TTC3: variants seen among roughly 807,000 people sequenced by gnomAD.
TTC3 encodes E3 ubiquitin-protein ligase TTC3.
In TTC3, 180 loss-of-function variants were observed where a neutral mutation model predicts 249.6. The ratio of observed to expected loss-of-function variants is 0.72; its 90% CI spans 0.64 to 0.82. The LOEUF (loss-of-function observed/expected upper bound fraction) is 0.82. Ranked by LOEUF, TTC3 falls within the 40% of genes least tolerant of loss-of-function variation. The pLI, the probability that TTC3 is intolerant of heterozygous loss-of-function variation, is 0.00. For missense variants in TTC3, 2,061 were observed against 2,398.4 expected (o/e 0.86, Z 2.94); for synonymous variants, 717 against 805.0 (o/e 0.89, Z 1.85).
At chr21:37,199,739 T>TA (rs1214120402) in intron 44 of TTC3, among the ~76,000 whole-genome samples, 2 of 152,242 alleles carry the variant, frequency 1.3e-5, no homozygotes, top group Admixed American at 6.5e-5. Flanking sequence ...AAGTGAGTTA[T>TA]ATATGATACA....
exon 22 of TTC3, chr21:37,147,583 A>G (rs1404545184): frequency 1.9e-6 from 3 of 1,608,108 alleles, no homozygotes; most frequent in Non-Finnish European, 1.7e-6. Flanking sequence ...CCAGATATAC[A>G]TAACTGATCC....
intron 1 of TTC3, among the ~76,000 whole-genome samples, chr21:37,085,531 T>C (rs2072339515): frequency 6.6e-6 from 1 of 152,164 alleles, no homozygotes; most frequent in Non-Finnish European, 1.5e-5. Flanking sequence ...AGTTGAAGAA[T>C]GGCTGTGGTA....
At chr21:37,152,223 A>G (rs958836938) in intron 26 of TTC3, among the ~76,000 whole-genome samples, 194 bp downstream of exon 26, 1 of 152,286 alleles carries the variant, frequency 6.6e-6, no homozygotes, top group Admixed American at 6.5e-5. Context: ...AAAACCTTTC[A>G]GAGATTGTAT....
chr21:37,074,708 T>A (rs1037276261), intron 1 of TTC3, among the ~76,000 whole-genome samples: 1 of 152,172 alleles, frequency 6.6e-6, no homozygotes, highest in African/African-American at 2.4e-5. Flanking sequence ...GGATATAGTA[T>A]AAGGATACCT....
At chr21:37,097,847 A>G in intron 10 of TTC3, 1 of 606,326 alleles carries the variant, frequency 1.6e-6, no homozygotes, top group Non-Finnish European at 3.0e-6. Context: ...GGAGTGGGGA[A>G]GGTAGTAAAC....
intron 18 of TTC3, among the ~76,000 whole-genome samples, chr21:37,136,181 G>A (rs147893666): frequency 8.4e-4 from 128 of 152,196 alleles, no homozygotes; most frequent in African/African-American, 2.9e-3. Context: ...CCTGAGACAC[G>A]ATATTGAAAT....
Position 37,159,755 on chromosome 21 carries a change from T to A in TTC3, c.3039+10T>A. 1 of 1,491,168 alleles carries A rather than the reference T, an allele frequency of 6.7e-7. No individual in the cohort carries two copies. Among genetic ancestry groups the A allele is most frequent in the Non-Finnish European group, 8.9e-7 (1 of 1,127,400 alleles). 92.4% of individuals were successfully genotyped at this position (1,491,168 alleles called of 1,614,324 possible). A position where few individuals can be genotyped will look rare whatever the true frequency, so the allele number is the denominator to read the frequency against. On this transcript the variant is annotated intron_variant, in intron 29 of 45. Transcript: ENST00000355666. Reference sequence around the variant, plus strand: ...TAGTGGTGAAGCACCGGTAAGTTACTTGGATCACTTGAATCTTACGTTCTA... The same window carrying A: ...TAGTGGTGAAGCACCGGTAAGTTACATGGATCACTTGAATCTTACGTTCTA...
At chr21:37,158,483 T>C (rs2080338957) in intron 28 of TTC3, among the ~76,000 whole-genome samples, 1 of 152,248 alleles carries the variant, frequency 6.6e-6, no homozygotes, top group South Asian at 2.1e-4. Flanking sequence ...GTTTTATCTC[T>C]TCATTTAAAA....
intron 34 of TTC3, 36 bp downstream of exon 34, chr21:37,167,656 A>G (rs753101093): frequency 1.3e-6 from 2 of 1,528,470 alleles, no homozygotes; most frequent in South Asian, 1.2e-5. Flanking sequence ...TTAAAGGTTT[A>G]GTTTTCATTA....
At chr21:37,124,494 T>C in intron 13 of TTC3, 125 bp from the exon 14 acceptor site, 1 of 979,800 alleles carries the variant, frequency 1.0e-6, no homozygotes, top group South Asian at 1.5e-5. Flanking sequence ...ATCTCACAGG[T>C]AGGAAATCTT....
At chr21:37,168,899 T>G (rs914155977) in intron 34 of TTC3, among the ~76,000 whole-genome samples, 4 of 152,184 alleles carry the variant, frequency 2.6e-5, no homozygotes, top group African/African-American at 9.7e-5. Context: ...GCCCAGAGGT[T>G]CTACTTCCAA....
At chr21:37,112,255 A>C (rs1361858948) in intron 11 of TTC3, among the ~76,000 whole-genome samples, 1 of 152,234 alleles carries the variant, frequency 6.6e-6, no homozygotes, top group Non-Finnish European at 1.5e-5. Flanking sequence ...TGAATCCAGG[A>C]GCTGGTTTTC....
intron 18 of TTC3, among the ~76,000 whole-genome samples, chr21:37,138,171 C>T (rs910424274): frequency 6.6e-6 from 1 of 152,148 alleles, no homozygotes; most frequent in South Asian, 2.1e-4. Context: ...TAATAAACTA[C>T]AGTATCGCTA....
In TTC3 at chr21:37,150,678, T is replaced by G. The variant is rs2079380863; in HGVS notation, c.2212-142T>G. ...ATTATTTTGCTAAAGCTTTCTGGGCTTTTGTCTGGGTCAGAACATCATCAC... is the reference window on the plus strand; with the variant it reads ...ATTATTTTGCTAAAGCTTTCTGGGCGTTTGTCTGGGTCAGAACATCATCAC... On this transcript the variant is annotated intron_variant, in intron 24 of 45. Coordinates refer to ENST00000355666, the Ensembl canonical transcript of TTC3. 6.2e-6 allele frequency: 4 copies of G among 648,106 alleles called. No individual in the cohort carries two copies. The East Asian group carries it at 1.2e-4, about 19-fold the overall frequency. The allele number at this position is 648,106 out of a possible 1,614,324, so 40.1% of individuals were successfully genotyped here.
At chr21:37,158,798 A>C (rs190706100) in intron 28 of TTC3, among the ~76,000 whole-genome samples, 2 of 152,284 alleles carry the variant, frequency 1.3e-5, no homozygotes, top group East Asian at 3.9e-4. Flanking sequence ...CAGTATTAAG[A>C]GTATAACTTG....
intron 35 of TTC3, among the ~76,000 whole-genome samples, chr21:37,174,651 G>A (rs928877756): frequency 6.6e-6 from 1 of 152,128 alleles, no homozygotes; most frequent in African/African-American, 2.4e-5. Context: ...GCCCCTTATA[G>A]AGAACAGAAA....
At chr21:37,100,575 A>G (rs1205675214) in intron 10 of TTC3, among the ~76,000 whole-genome samples, 2 of 152,188 alleles carry the variant, frequency 1.3e-5, no homozygotes, top group African/African-American at 4.8e-5. Context: ...TGTAAATCCA[A>G]CCACTTTTGG....
intron 10 of TTC3, among the ~76,000 whole-genome samples, chr21:37,107,111 G>T (rs1056392660): frequency 1.3e-5 from 2 of 149,382 alleles, no homozygotes; most frequent in Admixed American, 1.3e-4. Context: ...CTTTTAGTAG[G>T]TATTGATATC....
chr21:37,148,590 T>C (rs759336857), exon 23 of TTC3: 2 of 1,606,056 alleles, frequency 1.2e-6, no homozygotes, highest in South Asian at 2.2e-5. Flanking sequence ...AAATAGAATT[T>C]CACATGAATT....
Sources: gnomAD v4.1 joint callset for allele counts (sites outside exome capture counted in the v4.1 genomes callset) on GRCh38, gnomAD v4.1.1 for gene constraint, MANE v1.5 for transcripts, NCBI Gene and HGNC (gene_info 2026-07-23, HGNC 2026-07-21) for gene names.